The following KDM4C variants were observed in gnomAD, a reference collection of about 807,000 sequenced individuals.
KDM4C encodes lysine demethylase 4C.
In KDM4C, 81 loss-of-function variants were observed where a neutral mutation model predicts 129.3. The observed-to-expected ratio is 0.63, with a 90% CI of 0.52 to 0.75. The LOEUF is 0.75. KDM4C is among the 30% of genes least tolerant of loss of function. The pLI, the probability that KDM4C is intolerant of heterozygous loss-of-function variation, is 0.00. For synonymous variants in KDM4C, 573 were observed against 456.1 expected, an observed-to-expected ratio of 1.26 and a Z score of -3.26; for missense variants, 1,457 against 1,304.0, an observed-to-expected ratio of 1.12 and a Z score of -1.81.
intron 2 of KDM4C, among the ~76,000 whole-genome samples, chr9:6,800,398 G>T (rs1345372489): frequency 6.6e-6 from 1 of 151,746 alleles, no homozygotes; most frequent in Non-Finnish European, 1.5e-5. Flanking sequence ...AATTAACTGA[G>T]CGTAGGAGCA....
intron 1 of KDM4C, chr9:6,726,845 C>G (rs2996063): frequency 0.17 from 25,925 of 152,184 alleles, 2,771 homozygotes; most frequent in Non-Finnish European, 0.25. Flanking sequence ...AAGCAATTCT[C>G]CTCCTTCAGC....
chr9:6,876,927 C>T (rs1038396389), intron 5 of KDM4C, among the ~76,000 whole-genome samples: 15 of 152,194 alleles, frequency 9.9e-5, no homozygotes, highest in African/African-American at 3.1e-4. Context: ...TATCATCCGA[C>T]ATCAGGGAGG....
intron 1 of KDM4C, among the ~76,000 whole-genome samples, chr9:6,740,495 G>A (rs1372606308): frequency 2.1e-5 from 3 of 143,636 alleles, no homozygotes; most frequent in Non-Finnish European, 4.6e-5. Context: ...GAGCCACTGC[G>A]CCTGGCCTTT....
At position 6,797,814 on chromosome 9, in the gene KDM4C, A is replaced by C. The variant is rs142711142; in HGVS notation, c.144+4682A>C. 7.7e-4 allele frequency among the ~76,000 whole-genome samples: 118 copies of C among 152,338 alleles called. 2 individuals are homozygous for C. In the East Asian group the frequency reaches 0.021, roughly 28 times the overall value. ...AATTTATTTCAAGGCAAGTAGTGCA[A>C]ATGCACATTTTAGCAGAAAGTTTCC... On this transcript the variant is annotated intron_variant, in intron 2 of 21. Transcript: ENST00000381309.
chr9:6,853,141 AT>A (rs1406128145), intron 5 of KDM4C, among the ~76,000 whole-genome samples: 4 of 152,074 alleles, frequency 2.6e-5, no homozygotes, highest in Non-Finnish European at 5.9e-5. Flanking sequence ...AGAGTGTTAA[AT>A]TATTTTAGAT....
At chr9:7,170,204 C>A in intron 21 of KDM4C, 1 of 1,219,326 alleles carries the variant, frequency 8.2e-7, no homozygotes, top group Non-Finnish European at 1.0e-6. Flanking sequence ...ACAAAGATAC[C>A]ATCAAGGCAT....
intron 8 of KDM4C, among the ~76,000 whole-genome samples, chr9:6,902,205 C>A (rs1480078222): frequency 6.6e-6 from 1 of 152,146 alleles, no homozygotes; most frequent in Non-Finnish European, 1.5e-5. Flanking sequence ...TTTACAGTCT[C>A]TTTTCTCCAA....
At chr9:6,848,633 C>T (rs1221867767) in intron 4 of KDM4C, among the ~76,000 whole-genome samples, 1 of 151,948 alleles carries the variant, frequency 6.6e-6, no homozygotes, top group Non-Finnish European at 1.5e-5. Context: ...TGCACCACTG[C>T]ACTCCAGCCT....
chr9:6,964,237 C>G (rs972924358), intron 8 of KDM4C, among the ~76,000 whole-genome samples: 1 of 145,480 alleles, frequency 6.9e-6, no homozygotes, highest in South Asian at 2.4e-4. Context: ...TATCCCTCCC[C>G]CCTCCCCTGA....
intron 12 of KDM4C, among the ~76,000 whole-genome samples, chr9:7,009,656 A>C (rs577287890): frequency 6.6e-6 from 1 of 152,146 alleles, no homozygotes; most frequent in East Asian, 1.9e-4. Context: ...ACAAATCTCA[A>C]ATGGTTAATA....
chr9:6,977,202 C>G (rs1296160399), intron 8 of KDM4C, among the ~76,000 whole-genome samples: 2 of 152,138 alleles, frequency 1.3e-5, no homozygotes, highest in Non-Finnish European at 2.9e-5. Context: ...CTCCTCCCTT[C>G]TTTATGATTG....
At position 6,771,542 on chromosome 9, in the gene KDM4C, C is replaced by T. The variant is rs531474780; in HGVS notation, c.-18+13339C>T. 1.1e-3 allele frequency among the ~76,000 whole-genome samples: 170 copies of T among 151,614 alleles called. 1 individual carries two copies. Among genetic ancestry groups the T allele is most frequent in the African/African-American group, 3.5e-3 (145 of 41,332 alleles). On this transcript the variant is annotated intron_variant, in intron 1 of 21. Coordinates refer to ENST00000381309, the MANE Select transcript of KDM4C (RefSeq NM_015061.6). ...GTCAGGCCGGTCTCGAACTCCTGACCTCAGGTTATCCACCTGCCTTGGCCT... is the reference window on the plus strand; with the variant it reads ...GTCAGGCCGGTCTCGAACTCCTGACTTCAGGTTATCCACCTGCCTTGGCCT...
intron 19 of KDM4C, among the ~76,000 whole-genome samples, chr9:7,131,684 C>G (rs1381313522): frequency 6.6e-6 from 1 of 152,170 alleles, no homozygotes; most frequent in Admixed American, 6.5e-5. Flanking sequence ...TTTGATAATT[C>G]ATCTACATCA....
chr9:6,912,212 C>T (rs1024852281), intron 8 of KDM4C, among the ~76,000 whole-genome samples: 1 of 152,176 alleles, frequency 6.6e-6, no homozygotes, highest in Non-Finnish European at 1.5e-5. Context: ...TTCTATGCTT[C>T]TCTGCATTCT....
intron 8 of KDM4C, among the ~76,000 whole-genome samples, chr9:6,919,931 A>G (rs1230185422): frequency 6.6e-6 from 1 of 152,128 alleles, no homozygotes; most frequent in Non-Finnish European, 1.5e-5. Flanking sequence ...ACTCCATGCT[A>G]TCAGAACTGC....
intron 5 of KDM4C, among the ~76,000 whole-genome samples, chr9:6,856,753 T>TCCC: frequency 6.9e-6 from 1 of 145,686 alleles, no homozygotes; most frequent in South Asian, 2.2e-4. Flanking sequence ...TTGTATTTTT[T>TCCC]TTTTTTTTTT....
intron 1 of KDM4C, among the ~76,000 whole-genome samples, chr9:6,775,544 T>A (rs1482732064): frequency 6.6e-6 from 1 of 151,886 alleles, no homozygotes; most frequent in Non-Finnish European, 1.5e-5. Flanking sequence ...TTTTTTGAGA[T>A]GGAGTTTCGT....
At chr9:7,172,204 T>C (rs1463043344) in intron 21 of KDM4C, among the ~76,000 whole-genome samples, 1 of 152,212 alleles carries the variant, frequency 6.6e-6, no homozygotes, top group Non-Finnish European at 1.5e-5. Context: ...GGAGGCCTTG[T>C]ATTTTAATGA....
At chr9:6,750,980 A>T (rs1433756458) in intron 1 of KDM4C, among the ~76,000 whole-genome samples, 1 of 151,964 alleles carries the variant, frequency 6.6e-6, no homozygotes, top group Non-Finnish European at 1.5e-5. Flanking sequence ...TACCTTGGTT[A>T]TTTTTTCATG....
Sources: gnomAD v4.1 joint callset for allele counts (sites outside exome capture counted in the v4.1 genomes callset) on GRCh38, gnomAD v4.1.1 for gene constraint, MANE v1.5 for transcripts, NCBI Gene and HGNC (gene_info 2026-07-23, HGNC 2026-07-21) for gene names.